CALN1: variants seen among roughly 807,000 people sequenced by gnomAD.
The protein encoded by CALN1 is calcium-binding protein 8.
In CALN1, 17 loss-of-function variants were observed where a neutral mutation model predicts 30.6. The ratio of observed to expected loss-of-function variants is 0.56; its 90% CI spans 0.38 to 0.83. The LOEUF (loss-of-function observed/expected upper bound fraction) is 0.83. CALN1 is among the 40% of genes least tolerant of loss of function. The pLI, the probability that CALN1 is intolerant of heterozygous loss-of-function variation, is 0.00. For synonymous variants in CALN1, 156 were observed against 131.4 expected (o/e 1.19, Z -1.28); for missense variants, 291 against 354.9 (o/e 0.82, Z 1.45).
chr7:71,921,595 T>C (rs1034576471), intron 5 of CALN1, among the ~76,000 whole-genome samples: 1 of 152,114 alleles, frequency 6.6e-6, no homozygotes, highest in African/African-American at 2.4e-5. Flanking sequence ...TGAGGTGCCA[T>C]AATATTCAGA....
chr7:72,346,837 A>G (rs570599026), intron 2 of CALN1, among the ~76,000 whole-genome samples: 1 of 152,318 alleles, frequency 6.6e-6, no homozygotes, highest in South Asian at 2.1e-4. Flanking sequence ...TTTTTAACAC[A>G]GAATAAAGTA....
intron 5 of CALN1, among the ~76,000 whole-genome samples, chr7:71,918,942 T>G (rs1040620654): frequency 6.6e-6 from 1 of 152,242 alleles, no homozygotes; most frequent in African/African-American, 2.4e-5. Flanking sequence ...CATATTTTAT[T>G]ATTTGTGGGC....
chr7:72,196,782 C>T (rs1278507475), intron 3 of CALN1, among the ~76,000 whole-genome samples: 1 of 152,112 alleles, frequency 6.6e-6, no homozygotes, highest in East Asian at 1.9e-4. Flanking sequence ...GTAATTATTT[C>T]ATCCTCATGA....
chr7:72,294,478 A>T (rs2129555159), intron 2 of CALN1, among the ~76,000 whole-genome samples: 1 of 152,152 alleles, frequency 6.6e-6, no homozygotes, highest in Middle Eastern at 3.4e-3. Context: ...GCCTGGGCAC[A>T]GTGGCTCATA....
At chr7:72,089,649 T>C (rs1805720377) in intron 4 of CALN1, among the ~76,000 whole-genome samples, 1 of 151,972 alleles carries the variant, frequency 6.6e-6, no homozygotes, top group Non-Finnish European at 1.5e-5. Flanking sequence ...TAAAGATAAA[T>C]GTTATGCAAA....
At chr7:72,411,684 G>A (rs927714695) in intron 1 of CALN1, among the ~76,000 whole-genome samples, 2 of 152,196 alleles carry the variant, frequency 1.3e-5, no homozygotes, top group Admixed American at 1.3e-4. Flanking sequence ...TCTCAATGAT[G>A]CCAAATGACA....
the CALN1 span, among the ~76,000 whole-genome samples, chr7:72,457,004 C>CTTTTTT: frequency 1.9e-4 from 20 of 106,568 alleles, no homozygotes; most frequent in East Asian, 3.5e-4. Flanking sequence ...TTCTTTCTTT[C>CTTTTTT]TTTTTTTTTT....
At chr7:72,317,506 G>C (rs1800565747) in intron 2 of CALN1, among the ~76,000 whole-genome samples, 1 of 152,156 alleles carries the variant, frequency 6.6e-6, no homozygotes, top group Non-Finnish European at 1.5e-5. Context: ...GCTCTGCCTG[G>C]CTGGCCCCAC....
chr7:72,364,508 G>A (rs1449679779), intron 2 of CALN1, among the ~76,000 whole-genome samples: 1 of 152,184 alleles, frequency 6.6e-6, no homozygotes, highest in Non-Finnish European at 1.5e-5. Context: ...AAGGAAAGGA[G>A]TTTTGTGTCT....
chr7:71,885,417 G>T (rs1489506273), intron 5 of CALN1, among the ~76,000 whole-genome samples: 2 of 152,202 alleles, frequency 1.3e-5, no homozygotes, highest in African/African-American at 4.8e-5. Context: ...CTCCCGAAGT[G>T]CTGGGATTAC....
At chr7:71,985,907 T>C (rs1168751449) in intron 5 of CALN1, among the ~76,000 whole-genome samples, 1 of 151,798 alleles carries the variant, frequency 6.6e-6, no homozygotes, top group African/African-American at 2.4e-5. Flanking sequence ...ATGATTTCAA[T>C]AGCAACATGA....
intron 4 of CALN1, among the ~76,000 whole-genome samples, chr7:72,076,646 A>AAAAAAAAAAAAG (rs1563035689): frequency 8.0e-6 from 1 of 124,532 alleles, no homozygotes; most frequent in African/African-American, 3.2e-5. Flanking sequence ...AAAAAAAAAA[A>AAAAAAAAAAAAG]AGCAAAGACA....
chr7:72,129,664 G>A (rs756698186), intron 3 of CALN1, among the ~76,000 whole-genome samples: 8 of 152,174 alleles, frequency 5.3e-5, no homozygotes, highest in African/African-American at 1.9e-4. Flanking sequence ...GTAGCTAGGA[G>A]TGTAAATAAA....
chr7:72,246,527 C>T (rs1190594532), intron 3 of CALN1, among the ~76,000 whole-genome samples: 2 of 152,086 alleles, frequency 1.3e-5, no homozygotes, highest in East Asian at 3.9e-4. Flanking sequence ...GTGATCAAAA[C>T]TCATCCAAGG....
the CALN1 span, among the ~76,000 whole-genome samples, chr7:72,453,089 G>A: frequency 6.6e-6 from 1 of 152,182 alleles, no homozygotes; most frequent in African/African-American, 2.4e-5. Flanking sequence ...CCTAAGCCAG[G>A]CAAATCACAT....
At chr7:71,882,128 C>CCAGA (rs1450115089) in intron 5 of CALN1, among the ~76,000 whole-genome samples, 3 of 152,164 alleles carry the variant, frequency 2.0e-5, no homozygotes, top group African/African-American at 7.2e-5. Flanking sequence ...CACGTTCCTT[C>CCAGA]TGGAAGCTCT....
chr7:71,815,752 C>T (rs1248561451), intron 5 of CALN1, among the ~76,000 whole-genome samples: 2 of 149,624 alleles, frequency 1.3e-5, no homozygotes, highest in East Asian at 2.0e-4. Context: ...CATTCCCTTC[C>T]TCCTTCTTTC....
chr7:71,996,948 T>G (rs1485859785), intron 5 of CALN1, among the ~76,000 whole-genome samples: 2 of 152,100 alleles, frequency 1.3e-5, no homozygotes, highest in Non-Finnish European at 2.9e-5. Context: ...AAGAACCAGC[T>G]GGGCTTGGTG....
intron 5 of CALN1, among the ~76,000 whole-genome samples, chr7:71,857,612 G>A (rs1029880751): frequency 6.6e-6 from 1 of 152,104 alleles, no homozygotes; most frequent in East Asian, 1.9e-4. Flanking sequence ...TGTTCTCTTG[G>A]TGGAGTTGCC....
Sources: allele counts gnomAD v4.1 joint callset (sites outside exome capture counted in the v4.1 genomes callset), GRCh38; gene constraint gnomAD v4.1.1; transcripts MANE v1.5; gene names NCBI Gene and HGNC (gene_info 2026-07-23, HGNC 2026-07-21).